ZYG11B: variants seen among roughly 807,000 people sequenced by gnomAD.
ZYG11B encodes zyg-11 family member B, cell cycle regulator, also known as protein zyg-11 homolog B.
A neutral mutation model predicts 82.4 loss-of-function variants in ZYG11B; 36 were observed. The observed-to-expected ratio is 0.44, with a 90% CI of 0.33 to 0.58. The LOEUF (loss-of-function observed/expected upper bound fraction) is 0.58. Among genes scored for constraint, ZYG11B ranks in the 20% least tolerant of loss-of-function variants. The pLI is 0.02. For missense variants in ZYG11B, 552 were observed against 895.6 expected, an observed-to-expected ratio of 0.62 and a Z score of 4.90; for synonymous variants, 303 against 312.8, an observed-to-expected ratio of 0.97 and a Z score of 0.33.
At chr1:52,813,815 T>C (rs758984445) in intron 11 of ZYG11B, 45 bp from the exon 12 acceptor site, 81 of 1,613,580 alleles carry the variant, frequency 5.0e-5, no homozygotes, top group Non-Finnish European at 6.5e-5. Flanking sequence ...AATGCAGTGC[T>C]AAATAAATAT....
intron 10 of ZYG11B, among the ~76,000 whole-genome samples, chr1:52,805,709 G>A (rs1645136701): frequency 6.6e-6 from 1 of 151,992 alleles, no homozygotes; most frequent in Admixed American, 6.6e-5. Context: ...GCCCATGCCT[G>A]TCCCAGCTAC....
In ZYG11B at chr1:52,792,835, T is replaced by TTTTA. The variant is rs749439667; in HGVS notation, c.1334+2787_1334+2790dup. Among the ~76,000 whole-genome samples, 23 of 152,188 alleles carry TTTTA rather than the reference T, an allele frequency of 1.5e-4. 1 individual carries two copies. Among genetic ancestry groups the TTTTA allele is most frequent in the East Asian group, 3.9e-4 (2 of 5,186 alleles). ...GACAACCCTATGGAATAGGTTTTTATTTTATTTATTTATTTATTTATTGAG... is the reference window on the plus strand; with the variant it reads ...GACAACCCTATGGAATAGGTTTTTATTTTATTTATTTATTTATTTATTTATTGAG... On this transcript the variant is annotated intron_variant, in intron 6 of 13. Coordinates refer to ENST00000294353, the MANE Select transcript of ZYG11B (RefSeq NM_024646.3).
intron 1 of ZYG11B, among the ~76,000 whole-genome samples, chr1:52,737,297 A>G (rs1644385878): frequency 6.6e-6 from 1 of 152,128 alleles, no homozygotes; most frequent in South Asian, 2.1e-4. Flanking sequence ...TCTCCTGTAC[A>G]GTGTATGTGC....
In ZYG11B at chr1:52,821,847, C is replaced by G; in HGVS notation, c.*218C>G. 1 of 396,824 alleles carries G rather than the reference C, an allele frequency of 2.5e-6. No homozygotes were observed. Among genetic ancestry groups the G allele is most frequent in the Middle Eastern group, 6.6e-4 (1 of 1,516 alleles). 24.6% of individuals were successfully genotyped at this position (396,824 alleles called of 1,614,324 possible). On this transcript the variant is annotated 3_prime_UTR_variant, in exon 14 of 14. Transcript: ENST00000294353. Reference sequence around the variant, plus strand: ...AGAAGGGTCTCTTCCTTTATCATTGCCTTTTAGGAAATTTTCCACATCTTT... The same window carrying G: ...AGAAGGGTCTCTTCCTTTATCATTGGCTTTTAGGAAATTTTCCACATCTTT...
At chr1:52,792,167 T>G (rs1051779339) in intron 6 of ZYG11B, among the ~76,000 whole-genome samples, 2 of 152,222 alleles carry the variant, frequency 1.3e-5, no homozygotes, top group Non-Finnish European at 2.9e-5. Context: ...TCAGAGGCTA[T>G]GACTGATTCA....
chr1:52,740,567 T>G, intron 1 of ZYG11B, among the ~76,000 whole-genome samples: 1 of 113,004 alleles, frequency 8.8e-6, no homozygotes, highest in South Asian at 2.8e-4. Context: ...ACTACCTTCT[T>G]TTTTTTTTTT....
At chr1:52,734,971 C>T (rs1242867265) in intron 1 of ZYG11B, among the ~76,000 whole-genome samples, 6 of 151,134 alleles carry the variant, frequency 4.0e-5, no homozygotes, top group Admixed American at 1.3e-4. Flanking sequence ...TCAGGTGATC[C>T]GCCCGCCTTG....
chr1:52,816,780 CTTTTTTTTTTT>C (rs71044423), intron 13 of ZYG11B, 151 bp downstream of exon 13: 3 of 260,002 alleles, frequency 1.2e-5, no homozygotes, highest in South Asian at 3.2e-5. Flanking sequence ...TTAAGGTATT[CTTTTTTTTTTT>C]TTTTTTTTTT....
At chr1:52,783,860 G>GTATGTACATACACGTGTGTGTA (rs1156691044) in intron 4 of ZYG11B, among the ~76,000 whole-genome samples, 3,561 of 142,386 alleles carry the variant, frequency 0.025, 105 homozygotes, top group South Asian at 0.04. Flanking sequence ...ACGTGTGTGT[G>GTATGTACATACACGTGTGTGTA]TATGTACATA....
intron 1 of ZYG11B, among the ~76,000 whole-genome samples, chr1:52,751,976 T>C (rs1644528862): frequency 6.6e-6 from 1 of 151,850 alleles, no homozygotes; most frequent in South Asian, 2.1e-4. Context: ...TTTTTTTTTT[T>C]CCCTATACGG....
Position 52,771,547 on chromosome 1 carries a change from C to G in ZYG11B, c.724C>G (p.Leu242Val). The change falls in exon 3 of 14, where the codon CTT becomes GTT. Residue 242 changes from leucine (L) to valine (V), a missense_variant. Coordinates refer to ENST00000294353, the MANE Select transcript of ZYG11B (RefSeq NM_024646.3). This position sits in a 1 kb window ranked among gnomAD's most constrained non-coding sequence, Gnocchi z 5.4. ...VVRELKHLNH[L>V]DISDDKQFTS... ...TCGGGAACTCAAACATCTGAATCAT[C>G]TTGATATCTCAGATGATAAACAGTT... 1.2e-6 allele frequency: 2 copies of G among 1,614,132 alleles called. No individual in the cohort carries two copies. Among genetic ancestry groups the G allele is most frequent in the South Asian group, 1.1e-5 (1 of 91,082 alleles).
At chr1:52,756,147 C>T (rs1229820806) in intron 1 of ZYG11B, among the ~76,000 whole-genome samples, 1 of 152,176 alleles carries the variant, frequency 6.6e-6, no homozygotes, top group African/African-American at 2.4e-5. Flanking sequence ...GCTTCCTAAG[C>T]TCTGAGGTCT....
chr1:52,771,336 T>C lies in ZYG11B; in HGVS notation c.513T>C (p.Asn171=). ...GCCTTCGAGCTTTAAGCATCACGAA[T>C]GTTCTCTTTTACAATGAAGACCTGG... ...LSGLRALSIT[N]VLFYNEDLAE... is the part of the protein sequence containing the mutation. The change falls in exon 3 of 14, where the codon AAT becomes AAC. Residue 171 remains asparagine, a synonymous_variant. Transcript: ENST00000294353. This position sits in a 1 kb window ranked among gnomAD's most constrained non-coding sequence, Gnocchi z 5.4. 1 of 1,614,234 alleles carries C rather than the reference T, an allele frequency of 6.2e-7. No individual in the cohort carries two copies.
chr1:52,761,654 A>G (rs1408137758), intron 2 of ZYG11B, among the ~76,000 whole-genome samples: 1 of 152,210 alleles, frequency 6.6e-6, no homozygotes, highest in African/African-American at 2.4e-5. Flanking sequence ...CACGGGGTAC[A>G]GATGTCTCTT....
intron 2 of ZYG11B, among the ~76,000 whole-genome samples, chr1:52,768,324 T>C (rs966966376): frequency 7.9e-5 from 12 of 152,198 alleles, no homozygotes; most frequent in Admixed American, 2.0e-4. Context: ...CGTTGTTCCA[T>C]GGGTCCCAAG....
At chr1:52,776,219 T>TAAA (rs1165031214) in intron 3 of ZYG11B, among the ~76,000 whole-genome samples, 10 of 42,490 alleles carry the variant, frequency 2.4e-4, no homozygotes, top group African/African-American at 3.0e-4. Flanking sequence ...AACTCTGTCT[T>TAAA]AAAAAAAAAA....
chr1:52,744,759 T>G (rs1326272251), intron 1 of ZYG11B, among the ~76,000 whole-genome samples: 1 of 152,264 alleles, frequency 6.6e-6, no homozygotes, highest in South Asian at 2.1e-4. Context: ...GGAGAATCTC[T>G]TGAACCCGGG....
intron 8 of ZYG11B, among the ~76,000 whole-genome samples, 178 bp downstream of exon 8, chr1:52,796,962 T>C (rs1218312156): frequency 1.2e-5 from 1 of 84,904 alleles, no homozygotes; most frequent in Non-Finnish European, 2.0e-5. Context: ...TTATATATTA[T>C]ATATAATATA....
intron 2 of ZYG11B, among the ~76,000 whole-genome samples, chr1:52,758,015 C>T (rs1458778155): frequency 2.6e-5 from 4 of 151,740 alleles, no homozygotes; most frequent in Admixed American, 6.6e-5. Flanking sequence ...GCCTGACCCA[C>T]GTGGTGAAAC....
Sources: gnomAD v4.1 joint callset for allele counts (sites outside exome capture counted in the v4.1 genomes callset) on GRCh38, gnomAD v4.1.1 for gene constraint, Gnocchi (gnomAD v3.1) non-coding constraint, MANE v1.5 for transcripts, NCBI Gene and HGNC (gene_info 2026-07-23, HGNC 2026-07-21) for gene names.